Variants in DMC1 observed in about 807,000 individuals in gnomAD.
DMC1 encodes meiotic recombination protein DMC1 homolog.
Under a neutral mutation model 50.1 loss-of-function variants are expected in DMC1, and 27 were observed. The observed-to-expected ratio is 0.54, with a 90% CI of 0.40 to 0.74. The LOEUF (loss-of-function observed/expected upper bound fraction) is 0.74. DMC1 is among the 30% of genes least tolerant of loss of function. The pLI, the probability that DMC1 is intolerant of heterozygous loss-of-function variation, is 0.00. For missense variants in DMC1, 295 were observed against 420.2 expected (o/e 0.70, Z 2.60); for synonymous variants, 148 against 136.1 (o/e 1.09, Z -0.61).
intron 5 of DMC1, among the ~76,000 whole-genome samples, chr22:38,557,489 C>T (rs962781460): frequency 1.3e-5 from 2 of 151,960 alleles, no homozygotes; most frequent in South Asian, 4.2e-4. Flanking sequence ...GTGGATCGCT[C>T]GAGCCTGGGA....
downstream of DMC1, among the ~76,000 whole-genome samples, chr22:38,517,852 G>A (rs548846207): frequency 2.0e-5 from 3 of 152,208 alleles, no homozygotes; most frequent in East Asian, 1.9e-4. Context: ...CTATTTCCCA[G>A]TATCCTGCAT....
At chr22:38,533,388 T>A (rs2090175583) in intron 12 of DMC1, among the ~76,000 whole-genome samples, 1 of 105,542 alleles carries the variant, frequency 9.5e-6, no homozygotes. Flanking sequence ...AGAGCGAGAC[T>A]CCATCACAAA....
chr22:38,539,372 C>T lies in DMC1; in HGVS notation c.535G>A (p.Val179Ile), dbSNP rs757186115. Residue 179 changes from valine to isoleucine, a missense_variant, in exon 9 of 14, where the codon GTA (valine) becomes ATA (isoleucine). By Grantham distance (29) the Val-to-Ile change is conservative (BLOSUM62 3). Coordinates refer to ENST00000216024, the MANE Select transcript of DMC1 (RefSeq NM_007068.4). The part of the protein sequence containing the change: ...RLRDIADRFN[V>I]DHDAVLDNVL... ...TTGTCCAGTACTGCATCATGGTCTA[C>T]ATTAAAGCGATCAGCAATGTCCCTA... 1.9e-6 allele frequency: 3 copies of T among 1,614,042 alleles called. No individual in the cohort carries two copies. The Admixed American group carries it at 5.0e-5, about 27-fold the overall frequency.
intron 3 of DMC1, 47 bp from the exon 4 acceptor site, chr22:38,566,783 G>A: frequency 6.3e-7 from 1 of 1,579,208 alleles, no homozygotes; most frequent in Non-Finnish European, 8.7e-7. Context: ...ATGCCAGCCT[G>A]CAAGGCTCCC....
At chr22:38,512,809 C>A in the DMC1 span, among the ~76,000 whole-genome samples, 2 of 152,082 alleles carry the variant, frequency 1.3e-5, no homozygotes, top group Non-Finnish European at 2.9e-5. Context: ...AGGGGCTGAG[C>A]GTGGTGACTC....
At chr22:38,544,336 G>A (rs1363274323) in intron 8 of DMC1, among the ~76,000 whole-genome samples, 2 of 152,176 alleles carry the variant, frequency 1.3e-5, no homozygotes, top group African/African-American at 4.8e-5. Context: ...ATGCATATCT[G>A]ATTGCCTCCT....
At chr22:38,551,856 CTTTTT>C in intron 7 of DMC1, among the ~76,000 whole-genome samples, 1 of 93,182 alleles carries the variant, frequency 1.1e-5, no homozygotes, top group South Asian at 3.7e-4. Context: ...GAACTCCTTT[CTTTTT>C]TTTTTTTTTT....
chr22:38,539,334 T>C lies in DMC1; in HGVS notation c.573A>G (p.Ala191=), dbSNP rs773930961. ...TGGGGCTCTTACTAGTATATGCACG[T>C]GCATAAAGTACGTTGTCCAGTACTG... The part of the protein sequence containing the change: ...HDAVLDNVLY[A]RAYTSEHQME... The change falls in exon 9 of 14, where the codon GCA becomes GCG. Residue 191 remains alanine, a synonymous_variant. Transcript: ENST00000216024. 62 of 1,613,668 alleles carry C rather than the reference T, an allele frequency of 3.8e-5. No individual in the cohort carries two copies. Among genetic ancestry groups the C allele is most frequent in the Non-Finnish European group, 4.9e-5 (58 of 1,179,708 alleles).
rs1046064522 is a variant in DMC1 at position 38,519,923 on chromosome 22, G to A, written c.*97C>T. 28 of 1,010,000 alleles carry A rather than the reference G, an allele frequency of 2.8e-5. No individual in the cohort carries two copies. Among genetic ancestry groups the A allele is most frequent in the Non-Finnish European group, 3.9e-5 (25 of 639,392 alleles). The allele number at this position is 1,010,000 out of a possible 1,614,324, so 62.6% of individuals were successfully genotyped here. On this transcript the variant is annotated 3_prime_UTR_variant, in exon 14 of 14. Transcript: ENST00000216024. ...CTGACTTTTCTTTAGTAACATGTGGGAAAAAACCTCTATTTCAAGATGTGA... is the reference window on the plus strand; with the variant it reads ...CTGACTTTTCTTTAGTAACATGTGGAAAAAAACCTCTATTTCAAGATGTGA...
At chr22:38,563,373 G>A (rs2090548258) in intron 4 of DMC1, among the ~76,000 whole-genome samples, 2 of 152,128 alleles carry the variant, frequency 1.3e-5, no homozygotes, top group Non-Finnish European at 2.9e-5. Context: ...TTGGAGAATG[G>A]GGACAGCCAA....
chr22:38,511,928 G>A, the DMC1 span, among the ~76,000 whole-genome samples: 14 of 152,080 alleles, frequency 9.2e-5, 1 homozygote, highest in African/African-American at 3.1e-4. Context: ...GAGTCAGCTA[G>A]ACAGAGCTTT....
At chr22:38,550,063 T>C (rs2145926514) in intron 7 of DMC1, 66 bp from the exon 8 acceptor site, 2 of 1,171,852 alleles carry the variant, frequency 1.7e-6, no homozygotes, top group Admixed American at 3.8e-5. Flanking sequence ...ACTATATAAA[T>C]ACACATGGAA....
chr22:38,548,195 A>G (rs532546379), intron 8 of DMC1, among the ~76,000 whole-genome samples: 1 of 152,046 alleles, frequency 6.6e-6, no homozygotes. Flanking sequence ...TAATTCGTCC[A>G]TATTTCTGGG....
the DMC1 span, among the ~76,000 whole-genome samples, chr22:38,509,759 T>C: frequency 6.6e-6 from 1 of 152,076 alleles, no homozygotes; most frequent in Non-Finnish European, 1.5e-5. Flanking sequence ...AACTTCTGCC[T>C]CCTGGGTTCA....
chr22:38,554,865 C>T (rs575627753), intron 6 of DMC1, among the ~76,000 whole-genome samples: 4 of 151,974 alleles, frequency 2.6e-5, no homozygotes, highest in Non-Finnish European at 4.4e-5. Flanking sequence ...TTTGGAAGGC[C>T]GAGGTCAGGA....
At chr22:38,531,662 T>C (rs1345027365) in intron 12 of DMC1, among the ~76,000 whole-genome samples, 1 of 152,212 alleles carries the variant, frequency 6.6e-6, no homozygotes, top group Non-Finnish European at 1.5e-5. Flanking sequence ...TTGTTATAAT[T>C]TAATATACTT....
chr22:38,545,136 T>C lies in DMC1; in HGVS notation c.494+4789A>G, dbSNP rs150978603. Among the ~76,000 whole-genome samples, 108 of 152,102 alleles carry C rather than the reference T, an allele frequency of 7.1e-4. 3 individuals are homozygous for C. In the East Asian group the frequency reaches 0.02, roughly 28 times the overall value. On this transcript the variant is annotated intron_variant, in intron 8 of 13. Coordinates refer to ENST00000216024, the MANE Select transcript of DMC1 (RefSeq NM_007068.4). ...AGACAGGGAATAACAAAACCAGGCA[T>C]GGTGGCTTATATCTGTAATCCCAGC...
chr22:38,517,256 A>C (rs537977826), downstream of DMC1, among the ~76,000 whole-genome samples: 19 of 152,286 alleles, frequency 1.2e-4, no homozygotes, highest in Admixed American at 2.0e-4. Flanking sequence ...GTCTCTCCCC[A>C]GCTAGAATGA....
chr22:38,524,201 G>T (rs184917131), intron 12 of DMC1, among the ~76,000 whole-genome samples: 1 of 152,282 alleles, frequency 6.6e-6, no homozygotes, highest in Admixed American at 6.5e-5. Context: ...AGATTGCAAG[G>T]TCAGGAGTTT....
Sources: gnomAD v4.1 joint callset for allele counts (sites outside exome capture counted in the v4.1 genomes callset) on GRCh38, gnomAD v4.1.1 for gene constraint, MANE v1.5 for transcripts, NCBI Gene and HGNC (gene_info 2026-07-23, HGNC 2026-07-21) for gene names.